Variants in SH3TC2 observed in about 807,000 individuals in gnomAD.
SH3TC2 encodes the protein SH3 domain and tetratricopeptide repeat-containing protein 2.
A neutral mutation model predicts 124.5 loss-of-function variants in SH3TC2; 87 were observed. The observed-to-expected ratio is 0.70, with a 90% CI of 0.59 to 0.84. The LOEUF is 0.84. Ranked by LOEUF, SH3TC2 falls within the 40% of genes least tolerant of loss-of-function variation. The probability of loss-of-function intolerance (pLI) is 0.00; values close to 1 mark genes in which losing one functional copy is unlikely to be tolerated. For synonymous variants in SH3TC2, 634 were observed against 628.5 expected (o/e 1.01, Z -0.13); for missense variants, 1,536 against 1,566.4 (o/e 0.98, Z 0.33).
intron 12 of SH3TC2, among the ~76,000 whole-genome samples, chr5:149,024,442 C>T (rs1754030752): frequency 6.6e-6 from 1 of 152,156 alleles, no homozygotes; most frequent in Admixed American, 6.5e-5. Context: ...CTAGAAAGCC[C>T]ACAACTTTAA....
At chr5:149,016,212 C>T (rs542515230) in intron 12 of SH3TC2, among the ~76,000 whole-genome samples, 2 of 152,230 alleles carry the variant, frequency 1.3e-5, no homozygotes, top group African/African-American at 4.8e-5. Flanking sequence ...AAAAATAAGG[C>T]TTGGTAAGGG....
intron 1 of SH3TC2, chr5:149,057,642 A>C (rs143085201): frequency 1.3e-5 from 2 of 152,048 alleles, no homozygotes; most frequent in East Asian, 3.9e-4. Context: ...TTTAGCATAC[A>C]TGCTGCCAAA....
intron 3 of SH3TC2, chr5:149,044,926 A>G: frequency 3.6e-6 from 1 of 279,900 alleles, no homozygotes; most frequent in Non-Finnish European, 6.9e-6. Context: ...CGGCAGCAGC[A>G]AAAGAAGCCA....
At chr5:149,010,433 G>A (rs745708863) in intron 13 of SH3TC2, 41 bp from the exon 14 acceptor site, 2 of 1,611,996 alleles carry the variant, frequency 1.2e-6, no homozygotes, top group East Asian at 2.2e-5. Context: ...AGAGAGGAGG[G>A]CTTCCTGACC....
intron 8 of SH3TC2, 112 bp downstream of exon 8, chr5:149,038,183 G>T: frequency 1.1e-6 from 1 of 948,170 alleles, no homozygotes; most frequent in Non-Finnish European, 1.7e-6. Flanking sequence ...TGCTTTTCTG[G>T]CTCCATGTCA....
chr5:149,009,242 G>C (rs937943224), intron 14 of SH3TC2, among the ~76,000 whole-genome samples: 2 of 152,152 alleles, frequency 1.3e-5, no homozygotes, highest in African/African-American at 4.8e-5. Context: ...CTATAATTGG[G>C]GAAACCTGGA....
At position 149,010,313 on chromosome 5, in the gene SH3TC2, A is replaced by T. The variant is rs1249591355; in HGVS notation, c.3284T>A (p.Phe1095Tyr). Reference protein sequence around the residue: ...KLYEEAGDVFFNGTRHRHHAV... With the variant: ...KLYEEAGDVFYNGTRHRHHAV... Reference sequence around the variant, plus strand: ...ATGATGCCTGTGGCGGGTCCCATTGAAGAACACATCACCTGCTTCTTCATA... The same window carrying T: ...ATGATGCCTGTGGCGGGTCCCATTGTAGAACACATCACCTGCTTCTTCATA... The change falls in exon 14 of 17, where the codon TTC becomes TAC. Residue 1095 changes from phenylalanine to tyrosine, a missense_variant. Phe to Tyr is a conservative substitution (Grantham distance 22, BLOSUM62 3). This residue lies in a region of SH3TC2 where 426 missense variants were observed against 443.5 expected (regional missense o/e 0.96). Transcript: ENST00000515425. 6.2e-7 allele frequency: 1 copy of T among 1,613,984 alleles called. No individual in the cohort carries two copies. The highest frequency in any genetic ancestry group is 2.2e-5 in the East Asian group (1 of 44,874).
chr5:149,037,243 T>A (rs755703515), intron 8 of SH3TC2, among the ~76,000 whole-genome samples: 16 of 152,186 alleles, frequency 1.1e-4, no homozygotes, highest in African/African-American at 3.9e-4. Context: ...ATATTTTACA[T>A]TGTGCAAAGC....
intron 3 of SH3TC2, chr5:149,045,389 T>C (rs1422365418): frequency 6.6e-6 from 1 of 152,296 alleles, no homozygotes; most frequent in Non-Finnish European, 1.5e-5. Context: ...TATGGTTTCA[T>C]GTTTGGATTG....
intron 8 of SH3TC2, among the ~76,000 whole-genome samples, chr5:149,036,542 A>G (rs17109268): frequency 0.074 from 11,262 of 152,058 alleles, 487 homozygotes; most frequent in African/African-American, 0.11. Context: ...ACCAGAATGT[A>G]TTGGATTTCA....
rs1423106312 is a variant in SH3TC2, at chr5:149,027,194, G to A, written c.2538C>T (p.Leu846=). ...CCCTGTTCACCCGGCCTTCACCTTG[G>A]AGTGCAAGTCCCAGGAGGTTATAGA... is the stretch of plus-strand genomic sequence containing the variant. ...GVIYNLLGLA[L]QGEGRVNRAA... is the part of the protein sequence containing the mutation. Residue 846 remains leucine, a synonymous_variant, in exon 11 of 17, where the codon CTC becomes CTT. Transcript: ENST00000515425. 6.2e-7 allele frequency: 1 copy of A among 1,614,212 alleles called. No individual in the cohort carries two copies. Among genetic ancestry groups the A allele is most frequent in the East Asian group, 2.2e-5 (1 of 44,888 alleles).
At position 149,004,496 on chromosome 5, in the gene SH3TC2, G is replaced by T; in HGVS notation, c.*215C>A. ...CAGTCAACCGGTAAAGGCTCCAGAT[G>T]CAAAGCCTGGAACCAGGAATTCTCA... On this transcript the variant is annotated 3_prime_UTR_variant, in exon 17 of 17. Coordinates refer to ENST00000515425, the MANE Select transcript of SH3TC2 (RefSeq NM_024577.4). 1 of 587,446 alleles carries T rather than the reference G, an allele frequency of 1.7e-6. No individual in the cohort carries two copies. The highest frequency in any genetic ancestry group is 3.0e-6 in the Non-Finnish European group (1 of 334,556). The allele number at this position is 587,446 out of a possible 1,614,324, so 36.4% of individuals were successfully genotyped here.
intron 8 of SH3TC2, 30 bp from the exon 9 acceptor site, chr5:149,031,717 A>C (rs372252930): frequency 1.9e-6 from 3 of 1,613,254 alleles, no homozygotes; most frequent in Non-Finnish European, 2.5e-6. Flanking sequence ...ACAGAGACAG[A>C]TTACTGCAAG....
chr5:149,027,046 T>C lies in SH3TC2; in HGVS notation c.2686A>G (p.Arg896Gly). Residue 896 changes from arginine to glycine, a missense_variant, in exon 11 of 17, where the codon AGA (arginine) becomes GGA (glycine). By Grantham distance (125) the Arg-to-Gly change is moderately radical. Around this residue, in one of 3 missense-constraint regions of SH3TC2, gnomAD observed 1,102 missense variants for 1,098.6 expected, o/e 1.00. Transcript: ENST00000515425. Reference sequence around the variant, plus strand: ...CGTACAGCCTGCAGGAGATAGTTTCTGGCTGGATGCTGAGCCCAGGACTTA... The same window carrying C: ...CGTACAGCCTGCAGGAGATAGTTTCCGGCTGGATGCTGAGCCCAGGACTTA... ...SLKSWAQHPARNYLLQAVRLY... is the reference protein window; with the variant it reads ...SLKSWAQHPAGNYLLQAVRLY... The C allele has an allele frequency of 6.2e-7, 1 of 1,614,228 alleles. No individual in the cohort carries two copies. Among genetic ancestry groups the C allele is most frequent in the Non-Finnish European group, 8.5e-7 (1 of 1,180,024 alleles).
At chr5:149,058,701 C>T (rs168751) in intron 1 of SH3TC2, among the ~76,000 whole-genome samples, 32,776 of 151,710 alleles carry the variant, frequency 0.22, 4,245 homozygotes, top group African/African-American at 0.35. Flanking sequence ...ACATGGGATG[C>T]TAGAAGCCAG....
Position 149,042,690 on chromosome 5 carries a change from T to A in SH3TC2, c.529+4A>T. ...TCCCATCTCTACCCCTATGCCACAC[T>A]CACCTTCCTGTATCAGGAGTCCCAG... is the stretch of plus-strand genomic sequence containing the variant. On this transcript the variant is annotated splice_donor_region_variant and intron_variant, in intron 5 of 16. Coordinates refer to ENST00000515425, the MANE Select transcript of SH3TC2 (RefSeq NM_024577.4). 6.2e-7 allele frequency: 1 copy of A among 1,614,106 alleles called. No individual in the cohort carries two copies. Among genetic ancestry groups the A allele is most frequent in the Middle Eastern group, 1.6e-4 (1 of 6,062 alleles).
chr5:149,062,425 A>G, intron 1 of SH3TC2: 1 of 522,474 alleles, frequency 1.9e-6, no homozygotes, highest in Admixed American at 2.1e-5. Flanking sequence ...CTCTCCCATG[A>G]GTTGACAATT....
chr5:149,056,355 CAT>C (rs2127404481), intron 1 of SH3TC2, among the ~76,000 whole-genome samples: 1 of 152,294 alleles, frequency 6.6e-6, no homozygotes, highest in East Asian at 1.9e-4. Context: ...TAAGTGAGAA[CAT>C]GTGGCATTTT....
intron 12 of SH3TC2, among the ~76,000 whole-genome samples, chr5:149,025,135 C>T (rs1311926265): frequency 6.7e-6 from 1 of 149,708 alleles, no homozygotes; most frequent in Non-Finnish European, 1.5e-5. Context: ...TCTCCAGAAG[C>T]ATCCAGACTC....
Sources: allele counts gnomAD v4.1 joint callset (sites outside exome capture counted in the v4.1 genomes callset), GRCh38; gene constraint gnomAD v4.1.1; regional missense constraint gnomAD v4.1.1; transcripts MANE v1.5; gene names NCBI Gene and HGNC (gene_info 2026-07-23, HGNC 2026-07-21).